The following ACP6 variants were observed in gnomAD, a reference collection of about 807,000 sequenced individuals.
ACP6 encodes acid phosphatase 6, lysophosphatidic.
A neutral mutation model predicts 48.1 loss-of-function variants in ACP6; 48 were observed. The ratio of observed to expected loss-of-function variants is 1.00; its 90% confidence interval spans 0.79 to 1.27. ACP6 has a LOEUF of 1.27. Ranked by LOEUF, ACP6 falls within the 50% of genes most tolerant of loss-of-function variation. The probability of loss-of-function intolerance (pLI) is 0.00; values close to 1 mark genes in which losing one functional copy is unlikely to be tolerated. For synonymous variants in ACP6, 172 were observed against 204.2 expected, an observed-to-expected ratio of 0.84 and a Z score of 1.34; for missense variants, 485 against 529.1, an observed-to-expected ratio of 0.92 and a Z score of 0.82.
At chr1:147,657,821 G>A (rs1329678696) in intron 4 of ACP6, among the ~76,000 whole-genome samples, 1 of 152,206 alleles carries the variant, frequency 6.6e-6, no homozygotes, top group Non-Finnish European at 1.5e-5. Flanking sequence ...TCCAGCGCAG[G>A]GAGCTGCTAC....
chr1:147,661,895 T>C (rs1553212835), intron 1 of ACP6, among the ~76,000 whole-genome samples: 3 of 152,244 alleles, frequency 2.0e-5, no homozygotes, highest in South Asian at 2.1e-4. Context: ...AGAAAGTCAA[T>C]GCCTGGCTTC....
chr1:147,656,625 G>GT (rs1257225824), intron 4 of ACP6, among the ~76,000 whole-genome samples: 1 of 152,164 alleles, frequency 6.6e-6, no homozygotes, highest in African/African-American at 2.4e-5. Context: ...TACCAGTTTT[G>GT]TGTCCCTGGG....
At chr1:147,631,150 A>G (rs587675062) in intron 5 of ACP6, 1 of 152,322 alleles carries the variant, frequency 6.6e-6, no homozygotes, top group Admixed American at 6.5e-5. Flanking sequence ...AGGAAGAACC[A>G]GGCCCAGGAG....
At chr1:147,631,037 A>G (rs1553207300) in exon 6 of ACP6, 1 of 152,186 alleles carries the variant, frequency 6.6e-6, no homozygotes, top group East Asian at 1.9e-4. Flanking sequence ...AATTTTCTTC[A>G]TTCCTGTTAT....
exon 6 of ACP6, chr1:147,630,120 A>AC (rs1659123466): frequency 6.6e-6 from 1 of 152,202 alleles, no homozygotes; most frequent in Admixed American, 6.5e-5. Context: ...TTATGTGGGT[A>AC]CCCTGGGGTT....
In ACP6 at chr1:147,645,818, A is replaced by G. The variant is rs1659602032; in HGVS notation, c.*1605T>C. On this transcript the variant is annotated 3_prime_UTR_variant, in exon 10 of 10. Transcript: ENST00000583509. ...ACAGCAGTTCAAAGATGCAGAGAAA[A>G]AAGTTTAAGAGATTTTACAGCATAT... 6.6e-6 allele frequency: 1 copy of G among 152,208 alleles called. No homozygotes were observed. The highest frequency in any genetic ancestry group is 1.5e-5 in the Non-Finnish European group (1 of 68,044). The allele number at this position is 152,208 out of a possible 1,614,324, so 9.4% of individuals were successfully genotyped here.
intron 1 of ACP6, among the ~76,000 whole-genome samples, chr1:147,662,884 T>C (rs1660616514): frequency 6.6e-6 from 1 of 152,150 alleles, no homozygotes; most frequent in South Asian, 2.1e-4. Context: ...AACTTTACTG[T>C]TGTCTTATTT....
At chr1:147,642,204 A>T (rs1659472965), downstream of ACP6, 1 of 152,166 alleles carries the variant, frequency 6.6e-6, no homozygotes. Flanking sequence ...GAGTGCATAG[A>T]AGCCACCTGG....
intron 1 of ACP6, among the ~76,000 whole-genome samples, chr1:147,665,152 A>T (rs1375496364): frequency 6.6e-6 from 1 of 152,210 alleles, no homozygotes; most frequent in Non-Finnish European, 1.5e-5. Context: ...GTAGGAGGGA[A>T]TCCCACAGCC....
intron 3 of ACP6, 57 bp downstream of exon 3, chr1:147,659,339 G>A: frequency 6.3e-7 from 1 of 1,588,326 alleles, no homozygotes; most frequent in Non-Finnish European, 8.6e-7. Context: ...GTCAGGACAG[G>A]TATCCTCATG....
intron 9 of ACP6, chr1:147,647,990 A>G: frequency 1.9e-6 from 1 of 528,196 alleles, no homozygotes; most frequent in Non-Finnish European, 3.4e-6. Context: ...GACGCTCAGG[A>G]GAAGAGGAGG....
At chr1:147,652,378 G>T in intron 7 of ACP6, 71 bp downstream of exon 7, 1 of 1,466,742 alleles carries the variant, frequency 6.8e-7, no homozygotes, top group South Asian at 1.3e-5. Flanking sequence ...TGGGCCTGAT[G>T]AACTCCTCTT....
At position 147,652,441 on chromosome 1, in the gene ACP6, C is replaced by A; in HGVS notation, c.881+8G>T. Reference sequence around the variant, plus strand: ...CGTGACTTCATGCCAGCAGTGAGAGCCCCTCACCTGTCTTCCTTGGGCAGT... The same window carrying A: ...CGTGACTTCATGCCAGCAGTGAGAGACCCTCACCTGTCTTCCTTGGGCAGT... On this transcript the variant is annotated splice_region_variant and intron_variant, in intron 7 of 9. Coordinates refer to ENST00000583509, the MANE Select transcript of ACP6 (RefSeq NM_016361.5). 6.2e-7 allele frequency: 1 copy of A among 1,608,316 alleles called. No homozygotes were observed. The highest frequency in any genetic ancestry group is 8.5e-7 in the Non-Finnish European group (1 of 1,177,110).
At chr1:147,654,963 C>T (rs1553211333) in intron 5 of ACP6, among the ~76,000 whole-genome samples, 198 bp downstream of exon 5, 1 of 152,218 alleles carries the variant, frequency 6.6e-6, no homozygotes, top group South Asian at 2.1e-4. Context: ...CTGGCCTTCA[C>T]CATGGGTCTG....
chr1:147,667,542 C>T (rs1553213848), intron 1 of ACP6, among the ~76,000 whole-genome samples: 1 of 151,774 alleles, frequency 6.6e-6, no homozygotes, highest in Non-Finnish European at 1.5e-5. Context: ...AATCATGCTA[C>T]TTTCTGAGAA....
Position 147,647,506 on chromosome 1 carries a change from T to A in ACP6, c.1204A>T (p.Met402Leu), listed in dbSNP as rs114396949. 1.4e-5 allele frequency: 23 copies of A among 1,614,140 alleles called. No individual in the cohort carries two copies. Among genetic ancestry groups the A allele is most frequent in the Non-Finnish European group, 1.9e-5 (23 of 1,180,042 alleles). The change falls in exon 10 of 10, where the codon ATG (methionine) becomes TTG (leucine). Residue 402 changes from methionine to leucine, a missense_variant. Met to Leu is a conservative substitution (Grantham distance 15). Coordinates refer to ENST00000583509, the MANE Select transcript of ACP6 (RefSeq NM_016361.5). The stretch of plus-strand genomic sequence containing the variant: ...TCTGGGCTTAAGGTATAAACTGACA[T>A]GGCATTCAAGAACATGTCCAGCGGG... The part of the protein sequence containing the change: ...LCPLDMFLNA[M>L]SVYTLSPEKY...
downstream of ACP6, among the ~76,000 whole-genome samples, chr1:147,638,952 G>A (rs764224802): frequency 2.0e-5 from 3 of 152,128 alleles, no homozygotes; most frequent in East Asian, 3.9e-4. Context: ...GACTTCCCAC[G>A]CCCAAGTGAT....
intron 1 of ACP6, among the ~76,000 whole-genome samples, chr1:147,661,593 G>A (rs1440311875): frequency 1.3e-5 from 2 of 152,216 alleles, no homozygotes; most frequent in African/African-American, 2.4e-5. Flanking sequence ...TAAGTGTTAA[G>A]TGAAAGGAAA....
intron 9 of ACP6, 195 bp downstream of exon 9, chr1:147,648,051 C>T (rs1659715177): frequency 1.6e-6 from 1 of 621,416 alleles, no homozygotes; most frequent in African/African-American, 1.8e-5. Flanking sequence ...GGCTCAAGCC[C>T]CATCCTGCCA....
Sources: gnomAD v4.1 joint callset for allele counts (sites outside exome capture counted in the v4.1 genomes callset) on GRCh38, gnomAD v4.1.1 for gene constraint, MANE v1.5 for transcripts, NCBI Gene and HGNC (gene_info 2026-07-23, HGNC 2026-07-21) for gene names.